The following ABHD3 variants were observed in gnomAD, a reference collection of about 807,000 sequenced individuals.
ABHD3 encodes the protein phospholipase ABHD3.
ABHD3 carries 46 observed loss-of-function variants against 48.8 expected under a neutral mutation model. The ratio of observed to expected loss-of-function variants is 0.94; its 90% CI spans 0.74 to 1.20. The LOEUF (loss-of-function observed/expected upper bound fraction) is 1.20, where lower values mean the gene tolerates loss of function less well. Ranked by LOEUF, ABHD3 falls within the 50% of genes most tolerant of loss-of-function variation. ABHD3 has a pLI of 0.00. For synonymous variants in ABHD3, 192 were observed against 183.7 expected (o/e 1.04, Z -0.36); for missense variants, 490 against 497.8 (o/e 0.98, Z 0.15).
chr18:21,693,871 A>T (rs1366367816), intron 3 of ABHD3, among the ~76,000 whole-genome samples: 1 of 152,196 alleles, frequency 6.6e-6, no homozygotes, highest in Non-Finnish European at 1.5e-5. Flanking sequence ...TAGATGAGGG[A>T]AAGCGTGGTC....
chr18:21,678,612 T>C lies in ABHD3; in HGVS notation c.555+5308A>G, dbSNP rs138944825. Among the ~76,000 whole-genome samples, 67 of 115,620 alleles carry C rather than the reference T, an allele frequency of 5.8e-4. No homozygotes were observed. The East Asian group carries it at 0.012, about 21-fold the overall frequency. 75.9% of individuals were successfully genotyped at this position (115,620 alleles called of 152,430 possible). A position where few individuals can be genotyped will look rare whatever the true frequency, so the allele number is the denominator to read the frequency against. On this transcript the variant is annotated intron_variant, in intron 4 of 8. Coordinates refer to ENST00000289119, the MANE Select transcript of ABHD3 (RefSeq NM_138340.5). ...AAAATAGCTTTCAACAAATCTTGGC[T>C]GAGTTATTTGTAAATTATTCCTAAA...
At chr18:21,659,425 T>A in intron 5 of ABHD3, 82 bp from the exon 6 acceptor site, 1 of 1,396,692 alleles carries the variant, frequency 7.2e-7, no homozygotes, top group Non-Finnish European at 9.7e-7. Context: ...AGACTTTATG[T>A]TAACTATGGA....
chr18:21,677,831 G>A (rs371891941), intron 4 of ABHD3, among the ~76,000 whole-genome samples: 6 of 151,372 alleles, frequency 4.0e-5, no homozygotes, highest in African/African-American at 9.7e-5. Flanking sequence ...CTACAGGCAC[G>A]CACCACCACG....
chr18:21,677,688 T>C (rs1265929959), intron 4 of ABHD3, among the ~76,000 whole-genome samples: 1 of 151,934 alleles, frequency 6.6e-6, no homozygotes, highest in Non-Finnish European at 1.5e-5. Flanking sequence ...TTTATTTATT[T>C]ATTTATTTAT....
intron 4 of ABHD3, among the ~76,000 whole-genome samples, chr18:21,679,715 C>T (rs1219655157): frequency 7.2e-5 from 11 of 151,874 alleles, no homozygotes; most frequent in Admixed American, 5.9e-4. Context: ...TTAGTAGAGA[C>T]AGAATTTCGC....
At chr18:21,681,097 A>C (rs1598541079) in intron 4 of ABHD3, among the ~76,000 whole-genome samples, 1 of 150,952 alleles carries the variant, frequency 6.6e-6, no homozygotes, top group Non-Finnish European at 1.5e-5. Flanking sequence ...AATCTCAGCT[A>C]CTCCTGAGCT....
At chr18:21,663,752 G>T in intron 5 of ABHD3, 1 of 1,535,566 alleles carries the variant, frequency 6.5e-7, no homozygotes, top group Non-Finnish European at 8.7e-7. Context: ...CTGGAGTGAT[G>T]AAAGTCATGC....
At chr18:21,660,815 G>A (rs1470889016) in intron 5 of ABHD3, among the ~76,000 whole-genome samples, 1 of 152,068 alleles carries the variant, frequency 6.6e-6, no homozygotes, top group Non-Finnish European at 1.5e-5. Context: ...ATAGGACAAT[G>A]CTTACTCTTC....
chr18:21,667,373 TA>T (rs1235952345), intron 4 of ABHD3, among the ~76,000 whole-genome samples: 1 of 150,338 alleles, frequency 6.7e-6, no homozygotes, highest in Non-Finnish European at 1.5e-5. Flanking sequence ...GCCTCCCGAG[TA>T]GCTGAGATTA....
At chr18:21,677,802 G>A (rs988823258) in intron 4 of ABHD3, among the ~76,000 whole-genome samples, 1 of 151,750 alleles carries the variant, frequency 6.6e-6, no homozygotes, top group African/African-American at 2.4e-5. Context: ...CCCTGCCTCA[G>A]CCTCCTGAGT....
chr18:21,669,337 G>A (rs2039706345), intron 4 of ABHD3, among the ~76,000 whole-genome samples: 1 of 152,182 alleles, frequency 6.6e-6, no homozygotes. Flanking sequence ...TCGGCCTCCT[G>A]CTAGCTCCTC....
At chr18:21,704,266 G>A (rs1332802413) in intron 1 of ABHD3, among the ~76,000 whole-genome samples, 1 of 152,198 alleles carries the variant, frequency 6.6e-6, no homozygotes, top group Non-Finnish European at 1.5e-5. Flanking sequence ...GCGCCGCAGC[G>A]CAGAAGTCAG....
chr18:21,652,856 C>A (rs1233696224), intron 8 of ABHD3, among the ~76,000 whole-genome samples: 1 of 150,466 alleles, frequency 6.6e-6, no homozygotes, highest in African/African-American at 2.5e-5. Context: ...AGATCAAGAC[C>A]ATCCTGGCCA....
At chr18:21,700,951 T>G (rs1339533309) in intron 3 of ABHD3, among the ~76,000 whole-genome samples, 1 of 30,838 alleles carries the variant, frequency 3.2e-5, no homozygotes, top group Non-Finnish European at 5.6e-5. Context: ...AGATTTGGCC[T>G]CAAAAAAAAA....
At position 21,680,852 on chromosome 18, in the gene ABHD3, A is replaced by ATGTG. The variant is rs537497306; in HGVS notation, c.555+3064_555+3067dup. ...TGTTGTTTCTTTTTTTCTTTTTCAA[A>ATGTG]TGTGTGTGTGTGTGTGTGTGTGTGT... On this transcript the variant is annotated intron_variant, in intron 4 of 8. Coordinates refer to ENST00000289119, the MANE Select transcript of ABHD3 (RefSeq NM_138340.5). 6.5e-3 allele frequency among the ~76,000 whole-genome samples: 705 copies of ATGTG among 108,490 alleles called. 4 individuals carry two copies. Among genetic ancestry groups the ATGTG allele is most frequent in the Non-Finnish European group, 8.6e-3 (516 of 60,290 alleles). The allele number at this position is 108,490 out of a possible 152,430, so 71.2% of individuals were successfully genotyped here.
intron 8 of ABHD3, among the ~76,000 whole-genome samples, chr18:21,653,166 G>A (rs907791531): frequency 1.6e-5 from 2 of 127,312 alleles, no homozygotes; most frequent in African/African-American, 5.9e-5. Context: ...GTTCAAGAAC[G>A]GCCTGGCCAA....
chr18:21,665,776 C>T (rs2039609828), intron 4 of ABHD3, among the ~76,000 whole-genome samples: 1 of 150,396 alleles, frequency 6.6e-6, no homozygotes, highest in African/African-American at 2.4e-5. Flanking sequence ...CACGCCACTG[C>T]ACTCCAGTCT....
intron 8 of ABHD3, chr18:21,654,885 T>C (rs1303359025): frequency 6.6e-6 from 1 of 152,124 alleles, no homozygotes; most frequent in African/African-American, 2.4e-5. Flanking sequence ...TTCACCCAAG[T>C]GGGTAAGGTT....
chr18:21,699,299 G>A (rs78293619), intron 3 of ABHD3, among the ~76,000 whole-genome samples: 1 of 152,308 alleles, frequency 6.6e-6, no homozygotes, highest in East Asian at 1.9e-4. Context: ...GGGTCCCTTA[G>A]AAAGTGGCAG....
Sources: allele counts gnomAD v4.1 joint callset (sites outside exome capture counted in the v4.1 genomes callset), GRCh38; gene constraint gnomAD v4.1.1; transcripts MANE v1.5; gene names NCBI Gene and HGNC (gene_info 2026-07-23, HGNC 2026-07-21).